Variants in LANCL1 observed in about 807,000 individuals in gnomAD.
LANCL1 encodes the protein glutathione S-transferase LANCL1.
LANCL1 carries 50 observed loss-of-function variants against 50.6 expected under a neutral mutation model. The ratio of observed to expected loss-of-function variants is 0.99; its 90% confidence interval spans 0.79 to 1.25. The LOEUF (loss-of-function observed/expected upper bound fraction) is 1.25, where lower values mean the gene tolerates loss of function less well. Among genes scored for constraint, LANCL1 ranks in the 50% most tolerant of loss-of-function variants. The pLI is 0.00. For missense variants in LANCL1, 532 were observed against 480.7 expected (o/e 1.11, Z -1.00); for synonymous variants, 188 against 178.6 (o/e 1.05, Z -0.42).
intron 3 of LANCL1, among the ~76,000 whole-genome samples, chr2:210,465,516 C>A (rs1694025818): frequency 6.6e-6 from 1 of 152,212 alleles, no homozygotes; most frequent in Non-Finnish European, 1.5e-5. Flanking sequence ...GAAGCCATCA[C>A]TGCAGTTACA....
intron 3 of LANCL1, among the ~76,000 whole-genome samples, chr2:210,465,782 C>A (rs1355974743): frequency 6.6e-6 from 1 of 152,270 alleles, no homozygotes; most frequent in Admixed American, 6.5e-5. Flanking sequence ...AGGCAGCAGA[C>A]AAGTTCCCAG....
chr2:210,446,468 C>T (rs774161261), intron 4 of LANCL1, among the ~76,000 whole-genome samples: 6 of 152,092 alleles, frequency 3.9e-5, no homozygotes, highest in African/African-American at 7.2e-5. Flanking sequence ...ATCACAACTC[C>T]TTGCCAGCAA....
At chr2:210,445,383 G>A (rs2105896845) in intron 4 of LANCL1, among the ~76,000 whole-genome samples, 1 of 152,234 alleles carries the variant, frequency 6.6e-6, no homozygotes, top group East Asian at 1.9e-4. Context: ...AACATTCAAA[G>A]TAGGTAGCAA....
intron 7 of LANCL1, among the ~76,000 whole-genome samples, chr2:210,437,058 G>C (rs1692955619): frequency 6.6e-6 from 1 of 152,094 alleles, no homozygotes; most frequent in South Asian, 2.1e-4. Flanking sequence ...GTTGTAATTT[G>C]TTGATTTGGC....
At chr2:210,445,671 T>C (rs1205824675) in intron 4 of LANCL1, among the ~76,000 whole-genome samples, 2 of 152,204 alleles carry the variant, frequency 1.3e-5, no homozygotes, top group African/African-American at 4.8e-5. Flanking sequence ...TTATGTGTTT[T>C]CAGAAACTCT....
intron 4 of LANCL1, chr2:210,442,622 T>C (rs1460826152): frequency 6.6e-6 from 1 of 152,186 alleles, no homozygotes; most frequent in Non-Finnish European, 1.5e-5. Flanking sequence ...ACAGCAGCTA[T>C]TTGAGGTCTC....
intron 4 of LANCL1, 67 bp downstream of exon 4, chr2:210,455,036 CTTTT>C: frequency 1.5e-6 from 2 of 1,296,872 alleles, no homozygotes; most frequent in Non-Finnish European, 2.2e-6. Context: ...CTAGAATGTT[CTTTT>C]GTTAACACAT....
rs535655463 is a variant in LANCL1 at position 210,439,468 on chromosome 2, AACTTCAGAAGAC to A, written c.690+1118_690+1129del. Among the ~76,000 whole-genome samples the A allele has an allele frequency of 3.1e-3, 479 of 152,326 alleles. 2 individuals are homozygous for A. Among genetic ancestry groups the A allele is most frequent in the African/African-American group, 0.01 (429 of 41,568 alleles). On this transcript the variant is annotated intron_variant, in intron 6 of 9. Coordinates refer to ENST00000450366, the MANE Select transcript of LANCL1 (RefSeq NM_006055.3). ...TATGTTTGATTCTAACTAACCTTGA[AACTTCAGAAGAC>A]TCTTCTTTCCTGAAAGCTTTTAGGA...
chr2:210,465,693 G>A (rs186316763), intron 3 of LANCL1, among the ~76,000 whole-genome samples: 2 of 152,300 alleles, frequency 1.3e-5, no homozygotes, highest in East Asian at 3.9e-4. Flanking sequence ...GCCAGCAAGG[G>A]TTGGTTTGAT....
At chr2:210,457,881 CAAT>C (rs1693717752) in intron 3 of LANCL1, among the ~76,000 whole-genome samples, 1 of 152,124 alleles carries the variant, frequency 6.6e-6, no homozygotes, top group African/African-American at 2.4e-5. Context: ...TTTCTCTCAA[CAAT>C]AATGCCCTGG....
intron 4 of LANCL1, among the ~76,000 whole-genome samples, chr2:210,449,948 C>T (rs1484600719): frequency 3.3e-5 from 5 of 152,252 alleles, no homozygotes; most frequent in South Asian, 4.2e-4. Flanking sequence ...ATGCTATCCC[C>T]ATTAAGCTAC....
At chr2:210,436,155 T>C in intron 8 of LANCL1, 61 bp downstream of exon 8, 1 of 1,452,368 alleles carries the variant, frequency 6.9e-7, no homozygotes, top group African/African-American at 1.4e-5. Flanking sequence ...CCTCCCAAAG[T>C]GCTGAGATTT....
At chr2:210,462,603 C>T (rs989789470) in intron 3 of LANCL1, among the ~76,000 whole-genome samples, 1 of 152,104 alleles carries the variant, frequency 6.6e-6, no homozygotes, top group Non-Finnish European at 1.5e-5. Flanking sequence ...GCTTCTGTCT[C>T]GGCCCAATTA....
chr2:210,468,634 G>C (rs1433287424), intron 3 of LANCL1: 1 of 152,202 alleles, frequency 6.6e-6, no homozygotes, highest in Non-Finnish European at 1.5e-5. Context: ...GCTTTTTAAA[G>C]GGAGAGCATG....
chr2:210,436,464 G>A, intron 7 of LANCL1, 72 bp from the exon 8 acceptor site: 1 of 1,402,294 alleles, frequency 7.1e-7, no homozygotes, highest in Non-Finnish European at 9.9e-7. Context: ...CTTCCTGATA[G>A]ATAAGAAGGA....
intron 3 of LANCL1, among the ~76,000 whole-genome samples, chr2:210,457,277 T>C (rs1314155279): frequency 6.6e-6 from 1 of 152,252 alleles, no homozygotes; most frequent in African/African-American, 2.4e-5. Flanking sequence ...AAATGTATTA[T>C]GTCACAGACA....
At chr2:210,468,888 TTC>T (rs1291045681) in intron 3 of LANCL1, 2 of 152,234 alleles carry the variant, frequency 1.3e-5, no homozygotes, top group Non-Finnish European at 2.9e-5. Context: ...ACCACTATAC[TTC>T]TGTTTTCTTT....
intron 3 of LANCL1, chr2:210,468,363 T>TA (rs1341881940): frequency 6.6e-6 from 1 of 152,002 alleles, no homozygotes; most frequent in East Asian, 1.9e-4. Flanking sequence ...TTAGCAGACA[T>TA]AAAAATTGAG....
At chr2:210,451,335 C>T (rs1693505516) in intron 4 of LANCL1, among the ~76,000 whole-genome samples, 1 of 151,256 alleles carries the variant, frequency 6.6e-6, no homozygotes, top group South Asian at 2.1e-4. Flanking sequence ...GGGTGGGGGA[C>T]TAGGGGAGGG....
Sources: gnomAD v4.1 joint callset for allele counts (sites outside exome capture counted in the v4.1 genomes callset) on GRCh38, gnomAD v4.1.1 for gene constraint, MANE v1.5 for transcripts, NCBI Gene and HGNC (gene_info 2026-07-23, HGNC 2026-07-21) for gene names.